Variants in HMCN1 observed in about 807,000 individuals in gnomAD.
HMCN1 encodes hemicentin 1, also known as hemicentin-1.
HMCN1 carries 321 observed loss-of-function variants against 625.9 expected under a neutral mutation model. That is an observed-to-expected ratio of 0.51 (90% CI 0.47 to 0.56). The LOEUF (loss-of-function observed/expected upper bound fraction) is 0.56, where lower values mean the gene tolerates loss of function less well. HMCN1 is among the 20% of genes least tolerant of loss of function. The pLI, the probability that HMCN1 is intolerant of heterozygous loss-of-function variation, is 0.00. For synonymous variants in HMCN1, 2,425 were observed against 2,417.6 expected, an observed-to-expected ratio of 1.00 and a Z score of -0.09; for missense variants, 6,588 against 6,887.3, an observed-to-expected ratio of 0.96 and a Z score of 1.54.
chr1:186,023,233 A>G (rs1314728615), intron 36 of HMCN1, 80 bp downstream of exon 36: 3 of 1,289,882 alleles, frequency 2.3e-6, no homozygotes, highest in Non-Finnish European at 3.3e-6. Flanking sequence ...TTATTGAATT[A>G]CAGTATAAAA....
intron 37 of HMCN1, 85 bp from the exon 38 acceptor site, chr1:186,038,744 T>G (rs1656002236): frequency 1.3e-6 from 1 of 785,180 alleles, no homozygotes; most frequent in Non-Finnish European, 2.3e-6. Flanking sequence ...AAGAATAAAG[T>G]AATAGTGACT....
chr1:185,978,205 A>G (rs1651365785), intron 16 of HMCN1: 1 of 476,538 alleles, frequency 2.1e-6, no homozygotes, highest in South Asian at 2.6e-5. Context: ...ATAAGGGCTT[A>G]TGAAACAATA....
At chr1:186,110,518 A>T (rs1054261169) in intron 71 of HMCN1, among the ~76,000 whole-genome samples, 2 of 152,202 alleles carry the variant, frequency 1.3e-5, no homozygotes, top group Admixed American at 1.3e-4. Context: ...GTAATTAAAG[A>T]CCTGAGGAAT....
intron 65 of HMCN1, 28 bp downstream of exon 65, chr1:186,093,286 A>G (rs775420983): frequency 6.2e-7 from 1 of 1,613,060 alleles, no homozygotes; most frequent in South Asian, 1.1e-5. Flanking sequence ...CCCTCTTTTG[A>G]TGATGCTGCC....
At chr1:185,901,287 C>A (rs928753036) in intron 4 of HMCN1, among the ~76,000 whole-genome samples, 1 of 151,696 alleles carries the variant, frequency 6.6e-6, no homozygotes. Flanking sequence ...TATTTGTTTC[C>A]TTCTCTCCCA....
chr1:186,140,886 A>G (rs1013228856), intron 89 of HMCN1, among the ~76,000 whole-genome samples: 1 of 152,168 alleles, frequency 6.6e-6, no homozygotes, highest in Non-Finnish European at 1.5e-5. Flanking sequence ...TTTGTGGAAG[A>G]CAATTTTTCT....
At chr1:185,808,269 C>T (rs1353580201) in intron 1 of HMCN1, among the ~76,000 whole-genome samples, 1 of 152,118 alleles carries the variant, frequency 6.6e-6, no homozygotes, top group Non-Finnish European at 1.5e-5. Context: ...ATCCCTTGAA[C>T]CTCAGAAGCA....
At chr1:185,922,539 TC>T (rs1558067467) in intron 7 of HMCN1, 40 bp downstream of exon 7, 3 of 1,536,452 alleles carry the variant, frequency 2.0e-6, no homozygotes, top group South Asian at 2.3e-5. Context: ...ATAATAGATA[TC>T]CAAATGAAAA....
intron 72 of HMCN1, among the ~76,000 whole-genome samples, chr1:186,113,228 T>A (rs1029712406): frequency 4.6e-5 from 7 of 152,208 alleles, no homozygotes; most frequent in Admixed American, 1.3e-4. Flanking sequence ...TCAGAACCAT[T>A]GAGGAAGTCA....
At chr1:185,930,372 C>T (rs1667481969) in intron 10 of HMCN1, among the ~76,000 whole-genome samples, 1 of 152,146 alleles carries the variant, frequency 6.6e-6, no homozygotes, top group Non-Finnish European at 1.5e-5. Flanking sequence ...TTAAGCTCCA[C>T]TCACTTCTGA....
At chr1:185,761,605 T>A (rs1655509927) in intron 1 of HMCN1, among the ~76,000 whole-genome samples, 1 of 152,200 alleles carries the variant, frequency 6.6e-6, no homozygotes. Context: ...AATGAAACAT[T>A]GCTAAAATGA....
chr1:185,911,699 C>T lies in HMCN1; in HGVS notation c.819C>T (p.Gly273=), dbSNP rs1666430604. The change falls in exon 6 of 107, where the codon GGC becomes GGT. Residue 273 remains glycine (G), a synonymous_variant. Transcript: ENST00000271588. The part of the protein sequence containing the change: ...PLGKLIKKGF[G]LHELLNIHNS... ...GGAAGCTGATAAAAAAGGGATTTGG[C>T]CTGCATGAGCTATTAAATATCCATA... 1 of 1,612,898 alleles carries T rather than the reference C, an allele frequency of 6.2e-7. No homozygotes were observed. Among genetic ancestry groups the T allele is most frequent in the Non-Finnish European group, 8.5e-7 (1 of 1,179,068 alleles).
intron 46 of HMCN1, among the ~76,000 whole-genome samples, chr1:186,061,353 G>C (rs1471994490): frequency 6.6e-6 from 1 of 152,070 alleles, no homozygotes; most frequent in Non-Finnish European, 1.5e-5. Flanking sequence ...GAAACCATCA[G>C]ATCTTATGGC....
chr1:186,180,103 C>A (rs10911836), intron 104 of HMCN1, among the ~76,000 whole-genome samples: 2 of 151,890 alleles, frequency 1.3e-5, no homozygotes, highest in African/African-American at 4.8e-5. Context: ...TTTTGTCCCA[C>A]GTGGTCAAAT....
At chr1:185,952,716 T>C (rs1272958069) in intron 11 of HMCN1, among the ~76,000 whole-genome samples, 1 of 151,572 alleles carries the variant, frequency 6.6e-6, no homozygotes, top group East Asian at 1.9e-4. Context: ...TTGAAGAAGT[T>C]TTAAGTTCCT....
At position 185,993,326 on chromosome 1, in the gene HMCN1, G is replaced by C. The variant is rs765083599; in HGVS notation, c.3505+17G>C. 1.9e-6 allele frequency: 3 copies of C among 1,611,780 alleles called. No individual in the cohort carries two copies. Among genetic ancestry groups the C allele is most frequent in the East Asian group, 2.2e-5 (1 of 44,770 alleles). ...ATGTCCATGGTGAGTCTTGAAATGAGAACATATGACAACCCTGTGGACTGG... is the reference window on the plus strand; with the variant it reads ...ATGTCCATGGTGAGTCTTGAAATGACAACATATGACAACCCTGTGGACTGG... On this transcript the variant is annotated intron_variant, in intron 23 of 106. Transcript: ENST00000271588.
intron 1 of HMCN1, among the ~76,000 whole-genome samples, chr1:185,767,541 T>C (rs528084105): frequency 7.6e-4 from 115 of 152,306 alleles, no homozygotes; most frequent in African/African-American, 2.6e-3. Context: ...GATTTAACAG[T>C]AACACAATCT....
chr1:185,913,789 A>G (rs928303222), intron 6 of HMCN1, among the ~76,000 whole-genome samples: 16 of 152,184 alleles, frequency 1.1e-4, no homozygotes, highest in African/African-American at 3.1e-4. Context: ...CATGCATTCA[A>G]TAAACATTTA....
intron 11 of HMCN1, among the ~76,000 whole-genome samples, chr1:185,944,837 C>T (rs1228895839): frequency 1.3e-5 from 2 of 152,192 alleles, no homozygotes; most frequent in African/African-American, 4.8e-5. Flanking sequence ...CAGTGCATGT[C>T]TGTGGGAAGA....
Sources: allele counts gnomAD v4.1 joint callset (sites outside exome capture counted in the v4.1 genomes callset), GRCh38; gene constraint gnomAD v4.1.1; transcripts MANE v1.5; gene names NCBI Gene and HGNC (gene_info 2026-07-23, HGNC 2026-07-21).